The following CRYBG1 variants were observed in gnomAD, a reference collection of about 807,000 sequenced individuals.
CRYBG1 encodes the protein beta/gamma crystallin domain-containing protein 1.
CRYBG1 carries 139 observed loss-of-function variants against 189.2 expected under a neutral mutation model. The observed-to-expected ratio is 0.73, with a 90% CI of 0.64 to 0.85. CRYBG1 has a LOEUF of 0.85. CRYBG1 is among the 40% of genes least tolerant of loss of function. The pLI, the probability that CRYBG1 is intolerant of heterozygous loss-of-function variation, is 0.00. For synonymous variants in CRYBG1, 1,023 were observed against 1,017.1 expected, an observed-to-expected ratio of 1.01 and a Z score of -0.11; for missense variants, 2,611 against 2,675.8, an observed-to-expected ratio of 0.98 and a Z score of 0.53.
intron 1 of CRYBG1, among the ~76,000 whole-genome samples, chr6:106,412,686 A>G (rs1770951044): frequency 1.3e-5 from 2 of 152,230 alleles, no homozygotes; most frequent in Non-Finnish European, 2.9e-5. Flanking sequence ...CTTTGTTGAC[A>G]TTGTCCTAAC....
intron 1 of CRYBG1, among the ~76,000 whole-genome samples, chr6:106,432,977 C>T (rs531271110): frequency 2.0e-5 from 3 of 151,478 alleles, no homozygotes; most frequent in African/African-American, 7.3e-5. Flanking sequence ...GTAGCTGGAA[C>T]TATAGGCAGG....
intron 1 of CRYBG1, among the ~76,000 whole-genome samples, chr6:106,387,062 A>AT (rs1325865831): frequency 2.0e-5 from 3 of 152,252 alleles, no homozygotes; most frequent in African/African-American, 7.2e-5. Flanking sequence ...CATAAAATAT[A>AT]ACAAAGTAGC....
At chr6:106,488,147 G>C (rs981353871) in intron 2 of CRYBG1, among the ~76,000 whole-genome samples, 8 of 152,188 alleles carry the variant, frequency 5.3e-5, no homozygotes, top group Non-Finnish European at 1.2e-4. Context: ...GTATGGTTTT[G>C]CAGGGGTCAG....
chr6:106,488,949 G>T (rs1772654231), intron 2 of CRYBG1, among the ~76,000 whole-genome samples: 1 of 152,176 alleles, frequency 6.6e-6, no homozygotes, highest in Non-Finnish European at 1.5e-5. Context: ...GGGATGGGAG[G>T]TGTCAAGGGA....
At chr6:106,421,956 A>G (rs1046421204) in intron 1 of CRYBG1, among the ~76,000 whole-genome samples, 2 of 127,738 alleles carry the variant, frequency 1.6e-5, no homozygotes, top group Admixed American at 8.5e-5. Context: ...CCCATTCACT[A>G]TCATGAGAAC....
intron 3 of CRYBG1, among the ~76,000 whole-genome samples, chr6:106,516,349 T>C (rs1870866): frequency 0.21 from 32,417 of 152,018 alleles, 3,841 homozygotes; most frequent in South Asian, 0.34. Flanking sequence ...TTCTCCTGCC[T>C]CAGCCTCCCA....
intron 2 of CRYBG1, among the ~76,000 whole-genome samples, chr6:106,460,226 C>T (rs1043148423): frequency 6.6e-5 from 10 of 151,980 alleles, no homozygotes; most frequent in Non-Finnish European, 1.3e-4. Context: ...CTCCTGACCT[C>T]GTGATCCGCC....
At chr6:106,407,806 A>AT (rs1770853934) in intron 1 of CRYBG1, among the ~76,000 whole-genome samples, 1 of 152,218 alleles carries the variant, frequency 6.6e-6, no homozygotes, top group Admixed American at 6.5e-5. Context: ...GCAGAAATAA[A>AT]TAAGTTCTCT....
At chr6:106,392,148 T>A (rs1275689924) in intron 1 of CRYBG1, among the ~76,000 whole-genome samples, 1 of 152,108 alleles carries the variant, frequency 6.6e-6, no homozygotes, top group African/African-American at 2.4e-5. Flanking sequence ...TGTGTGGCTG[T>A]GGGAGTTACA....
intron 1 of CRYBG1, among the ~76,000 whole-genome samples, chr6:106,444,817 T>C (rs781241157): frequency 2.0e-5 from 3 of 152,132 alleles, no homozygotes; most frequent in Non-Finnish European, 4.4e-5. Context: ...ACACAGCATA[T>C]TGGGAGATGG....
At chr6:106,525,204 T>G in intron 5 of CRYBG1, 24 bp downstream of exon 5, 1 of 1,614,016 alleles carries the variant, frequency 6.2e-7, no homozygotes, top group Non-Finnish European at 8.5e-7. Context: ...CTGTTTCTAG[T>G]CTTGATTCTA....
In CRYBG1 at chr6:106,562,510, C is replaced by T. The variant is rs1001980008; in HGVS notation, c.6138+1010C>T. Among the ~76,000 whole-genome samples, 5 of 151,204 alleles carry T rather than the reference C, an allele frequency of 3.3e-5. No individual in the cohort carries two copies. In the East Asian group the frequency reaches 5.8e-4, roughly 18 times the overall value. On this transcript the variant is annotated intron_variant, in intron 20 of 21. Coordinates refer to ENST00000633556, the MANE Select transcript of CRYBG1 (RefSeq NM_001371242.2). ...ATAATATACTTTAATTTTTTTTAGA[C>T]GGGGTCTTGCTCTGTCACCAGGCTG... is the stretch of plus-strand genomic sequence containing the variant.
intron 1 of CRYBG1, among the ~76,000 whole-genome samples, chr6:106,374,723 A>C (rs927759875): frequency 1.3e-5 from 2 of 152,328 alleles, no homozygotes; most frequent in African/African-American, 4.8e-5. Flanking sequence ...GGATGGTTCT[A>C]TTTATATCTA....
chr6:106,533,045 A>T (rs961023031), intron 8 of CRYBG1, among the ~76,000 whole-genome samples: 1 of 152,250 alleles, frequency 6.6e-6, no homozygotes, highest in African/African-American at 2.4e-5. Context: ...GTCTAGCAGG[A>T]ATAAACAACA....
chr6:106,390,404 C>T (rs1770478766), intron 1 of CRYBG1, among the ~76,000 whole-genome samples: 1 of 152,010 alleles, frequency 6.6e-6, no homozygotes, highest in African/African-American at 2.4e-5. Context: ...TCCTCTCTCT[C>T]CCTTTTCTTT....
chr6:106,548,843 T>C (rs1048598352), intron 13 of CRYBG1, among the ~76,000 whole-genome samples: 7 of 151,534 alleles, frequency 4.6e-5, no homozygotes, highest in Non-Finnish European at 1.0e-4. Context: ...GCTGCACCCA[T>C]TAACTCGTCA....
At chr6:106,550,848 T>G (rs991944006) in intron 13 of CRYBG1, among the ~76,000 whole-genome samples, 12 of 152,168 alleles carry the variant, frequency 7.9e-5, no homozygotes, top group Non-Finnish European at 1.0e-4. Context: ...TTTGTTTCCT[T>G]AGAATACAAT....
chr6:106,527,153 T>A lies in CRYBG1; in HGVS notation c.4413-152T>A, dbSNP rs537643630. The A allele has an allele frequency of 2.4e-4, 127 of 533,664 alleles. 3 individuals carry two copies. The South Asian group carries it at 3.7e-3, about 16-fold the overall frequency. The allele number at this position is 533,664 out of a possible 1,614,324, so 33.1% of individuals were successfully genotyped here. ...TTAATTATACCCAGTAAAATATTAG[T>A]GTTAGGGAGAGTTTAAGCTATTTTA... On this transcript the variant is annotated intron_variant, in intron 6 of 21. Coordinates refer to ENST00000633556, the MANE Select transcript of CRYBG1 (RefSeq NM_001371242.2).
intron 1 of CRYBG1, among the ~76,000 whole-genome samples, chr6:106,404,407 AT>A (rs1770776851): frequency 6.6e-6 from 1 of 152,218 alleles, no homozygotes; most frequent in Non-Finnish European, 1.5e-5. Context: ...CATTTAATTG[AT>A]TTGGTATTAA....
Sources: gnomAD v4.1 joint callset for allele counts (sites outside exome capture counted in the v4.1 genomes callset) on GRCh38, gnomAD v4.1.1 for gene constraint, MANE v1.5 for transcripts, NCBI Gene and HGNC (gene_info 2026-07-23, HGNC 2026-07-21) for gene names.